COL22A1: variants seen among roughly 807,000 people sequenced by gnomAD.
COL22A1 encodes collagen alpha-1(XXII) chain.
A neutral mutation model predicts 248.9 loss-of-function variants in COL22A1; 221 were observed. The observed-to-expected ratio is 0.89, with a 90% CI of 0.80 to 0.99. COL22A1 has a LOEUF of 0.99. COL22A1 is among the 50% of genes least tolerant of loss of function. The pLI, the probability that COL22A1 is intolerant of heterozygous loss-of-function variation, is 0.00. For synonymous variants in COL22A1, 891 were observed against 793.4 expected, an observed-to-expected ratio of 1.12 and a Z score of -2.07; for missense variants, 2,240 against 2,179.0, an observed-to-expected ratio of 1.03 and a Z score of -0.56.
At chr8:138,652,734 G>GTTTTTT (rs1564146836) in intron 45 of COL22A1, among the ~76,000 whole-genome samples, 11 of 45,914 alleles carry the variant, frequency 2.4e-4, no homozygotes, top group Admixed American at 5.2e-4. Flanking sequence ...TTCCTTTTCT[G>GTTTTTT]GTTTTTTTTT....
intron 10 of COL22A1, among the ~76,000 whole-genome samples, chr8:138,804,453 G>A (rs536739629): frequency 6.6e-6 from 1 of 152,336 alleles, no homozygotes; most frequent in East Asian, 1.9e-4. Flanking sequence ...GCACAGCAGA[G>A]GCAGCCATTA....
intron 7 of COL22A1, 110 bp downstream of exon 7, chr8:138,821,026 G>T: frequency 8.1e-7 from 1 of 1,231,586 alleles, no homozygotes; most frequent in Non-Finnish European, 1.1e-6. Context: ...CCAAGGTGAT[G>T]ATTTGGTACC....
chr8:138,837,782 G>A (rs576800548), intron 4 of COL22A1, among the ~76,000 whole-genome samples: 2 of 152,312 alleles, frequency 1.3e-5, no homozygotes, highest in African/African-American at 4.8e-5. Flanking sequence ...TGCCTAAAGT[G>A]TACAGTCTGC....
chr8:138,715,322 C>T (rs1259197678), intron 30 of COL22A1, among the ~76,000 whole-genome samples: 1 of 152,016 alleles, frequency 6.6e-6, no homozygotes, highest in Admixed American at 6.6e-5. Context: ...CTTTGGAAAC[C>T]CAAGGCAGAC....
rs746578997 is a variant in COL22A1 at position 138,780,988 on chromosome 8, C to A, written c.1597-8G>T. On this transcript the variant is annotated splice_region_variant and splice_polypyrimidine_tract_variant and intron_variant, in intron 12 of 64. Transcript: ENST00000303045. ...GGGCAGGCCCAGGGAACCCTAAAGCCAAAAAAAGAGAATAGCAATTAGTAA... is the reference window on the plus strand; with the variant it reads ...GGGCAGGCCCAGGGAACCCTAAAGCAAAAAAAAGAGAATAGCAATTAGTAA... 3.8e-6 allele frequency: 6 copies of A among 1,583,880 alleles called. No homozygotes were observed. The Admixed American group carries it at 5.7e-5, about 15-fold the overall frequency.
chr8:138,701,395 A>T (rs1827955827), intron 31 of COL22A1, among the ~76,000 whole-genome samples: 1 of 152,214 alleles, frequency 6.6e-6, no homozygotes, highest in Admixed American at 6.5e-5. Flanking sequence ...AAAACATCAT[A>T]GATAATGGTC....
At chr8:138,616,646 A>G (rs4076991) in intron 54 of COL22A1, among the ~76,000 whole-genome samples, 117,867 of 152,184 alleles carry the variant, frequency 0.77, 47,003 homozygotes, top group Middle Eastern at 0.92. Flanking sequence ...CAGGGCTGAC[A>G]TGCGTGACAC....
In COL22A1 at chr8:138,716,274, G is replaced by A. The variant is rs960028345; in HGVS notation, c.2416C>T (p.Pro806Ser). The A allele has an allele frequency of 1.6e-5, 26 of 1,591,832 alleles. No individual in the cohort carries two copies. The highest frequency in any genetic ancestry group is 2.1e-5 in the Non-Finnish European group (24 of 1,167,470). ...ACACCTGGGAAGCCTGGAGCCCCTGGGAGGCCTGCTTCTCCCTGTGAGAAC... is the reference window on the plus strand; with the variant it reads ...ACACCTGGGAAGCCTGGAGCCCCTGAGAGGCCTGCTTCTCCCTGTGAGAAC... ...RPGEKGEAGLPGAPGFPGVRG... is the reference protein window; with the variant it reads ...RPGEKGEAGLSGAPGFPGVRG... The change falls in exon 29 of 65, where the codon CCA (proline) becomes TCA (serine). Residue 806 changes from proline to serine, a missense_variant. By Grantham distance (74) the Pro-to-Ser change is moderately conservative. Coordinates refer to ENST00000303045, the MANE Select transcript of COL22A1 (RefSeq NM_152888.3).
chr8:138,661,023 TAC>T (rs1564159053), intron 43 of COL22A1, among the ~76,000 whole-genome samples: 7 of 35,794 alleles, frequency 2.0e-4, no homozygotes, highest in Non-Finnish European at 3.4e-4. Context: ...CACACGCACA[TAC>T]ACACACATAT....
At chr8:138,616,825 C>G in intron 54 of COL22A1, 89 bp downstream of exon 54, 1 of 1,486,558 alleles carries the variant, frequency 6.7e-7, no homozygotes, top group Non-Finnish European at 9.4e-7. Flanking sequence ...TAAGGCACTG[C>G]CATGGCCTGC....
At chr8:138,613,196 G>C (rs184779147) in intron 56 of COL22A1, among the ~76,000 whole-genome samples, 77 of 150,760 alleles carry the variant, frequency 5.1e-4, no homozygotes, top group African/African-American at 1.7e-3. Context: ...TGCAGTGAGC[G>C]GAGATCACGC....
chr8:138,627,928 A>C (rs559143402), intron 50 of COL22A1, among the ~76,000 whole-genome samples: 1 of 152,336 alleles, frequency 6.6e-6, no homozygotes, highest in African/African-American at 2.4e-5. Flanking sequence ...AGAGTTTTGA[A>C]GACGCTGACC....
At chr8:138,642,353 G>A (rs925688463) in intron 47 of COL22A1, among the ~76,000 whole-genome samples, 3 of 152,138 alleles carry the variant, frequency 2.0e-5, no homozygotes, top group Admixed American at 6.5e-5. Context: ...GCTGACAATT[G>A]CAGGAAATAG....
intron 46 of COL22A1, among the ~76,000 whole-genome samples, chr8:138,647,768 T>C (rs1437934096): frequency 2.0e-5 from 3 of 152,158 alleles, no homozygotes; most frequent in East Asian, 1.9e-4. Context: ...AATCACTGTG[T>C]AGCAGTTGTA....
chr8:138,844,185 C>T (rs761553021), intron 3 of COL22A1, 27 bp from the exon 4 acceptor site: 2 of 1,607,946 alleles, frequency 1.2e-6, no homozygotes, highest in African/African-American at 1.3e-5. Context: ...GAAACAGAGA[C>T]TGATGAGAAA....
At chr8:138,844,059 C>G in intron 4 of COL22A1, 25 bp downstream of exon 4, 1 of 1,604,266 alleles carries the variant, frequency 6.2e-7, no homozygotes, top group Non-Finnish European at 8.5e-7. Flanking sequence ...AAAGCAAGCA[C>G]ACGTGGTTAT....
At chr8:138,701,165 C>T (rs1827933726) in intron 31 of COL22A1, among the ~76,000 whole-genome samples, 1 of 152,142 alleles carries the variant, frequency 6.6e-6, no homozygotes, top group Non-Finnish European at 1.5e-5. Context: ...GATCCCTCTT[C>T]CCTCTCCACC....
chr8:138,843,513 C>T (rs572485422), intron 4 of COL22A1, among the ~76,000 whole-genome samples: 1 of 152,270 alleles, frequency 6.6e-6, no homozygotes, highest in East Asian at 1.9e-4. Context: ...GGTGCCCGGC[C>T]ACAGGGAGGA....
chr8:138,634,166 G>A (rs1820951480), intron 49 of COL22A1, among the ~76,000 whole-genome samples: 2 of 152,160 alleles, frequency 1.3e-5, no homozygotes, highest in African/African-American at 4.8e-5. Context: ...ACTAGAAGTT[G>A]AGTTGTTTAA....
Sources: allele counts gnomAD v4.1 joint callset (sites outside exome capture counted in the v4.1 genomes callset), GRCh38; gene constraint gnomAD v4.1.1; transcripts MANE v1.5; gene names NCBI Gene and HGNC (gene_info 2026-07-23, HGNC 2026-07-21).